Variants in DCAF6 observed in about 807,000 individuals in gnomAD.
DCAF6 encodes the protein DDB1 and CUL4 associated factor 6.
In DCAF6, 54 loss-of-function variants were observed where a neutral mutation model predicts 125.1. That is an observed-to-expected ratio of 0.43 (90% CI 0.35 to 0.54). DCAF6 has a LOEUF of 0.54. Among genes scored for constraint, DCAF6 ranks in the 20% least tolerant of loss-of-function variants. The pLI is 0.01. For synonymous variants in DCAF6, 371 were observed against 390.4 expected, an observed-to-expected ratio of 0.95 and a Z score of 0.58; for missense variants, 934 against 1,161.7, an observed-to-expected ratio of 0.80 and a Z score of 2.85.
intron 19 of DCAF6, 118 bp from the exon 20 acceptor site, chr1:168,066,259 A>C: frequency 1.9e-6 from 1 of 524,658 alleles, no homozygotes; most frequent in African/African-American, 2.0e-5. Flanking sequence ...AGTTAAATAT[A>C]TAGTGTACAA....
At chr1:167,979,421 T>C (rs1259027144) in intron 4 of DCAF6, among the ~76,000 whole-genome samples, 3 of 152,204 alleles carry the variant, frequency 2.0e-5, no homozygotes, top group Non-Finnish European at 4.4e-5. Context: ...ACTTTCTGTT[T>C]CTAAGAATTT....
chr1:167,901,000 C>CT, the DCAF6 span, among the ~76,000 whole-genome samples: 1 of 152,192 alleles, frequency 6.6e-6, no homozygotes, highest in Admixed American at 6.5e-5. Flanking sequence ...AACCATAACT[C>CT]TGTTACTCAT....
chr1:167,901,590 G>T, the DCAF6 span: 3 of 1,452,608 alleles, frequency 2.1e-6, no homozygotes, highest in Non-Finnish European at 2.9e-6. Context: ...TTCTCTTTGG[G>T]AGAGAGAGAT....
chr1:168,026,933 G>A (rs1200790707), intron 12 of DCAF6, among the ~76,000 whole-genome samples: 1 of 152,064 alleles, frequency 6.6e-6, no homozygotes, highest in Non-Finnish European at 1.5e-5. Flanking sequence ...CACTACAGGA[G>A]CAAGTAGAGA....
At position 168,009,389 on chromosome 1, in the gene DCAF6, T is replaced by C. The variant is rs797006848; in HGVS notation, c.1378+4596T>C. On this transcript the variant is annotated intron_variant, in intron 10 of 21. Coordinates refer to ENST00000367840, the MANE Select transcript of DCAF6 (RefSeq NM_001198956.2). ...TTCCTTCCTTCCTTCCTTCCTTCCT[T>C]TCTTTCTTTCTTTCTCTCTCTCTCT... Among the ~76,000 whole-genome samples, 270 of 133,270 alleles carry C rather than the reference T, an allele frequency of 2.0e-3. 2 individuals carry two copies. Among genetic ancestry groups the C allele is most frequent in the African/African-American group, 7.9e-3 (258 of 32,858 alleles). The allele number at this position is 133,270 out of a possible 152,430, so 87.4% of individuals were successfully genotyped here.
At chr1:167,913,242 T>C in the DCAF6 span, among the ~76,000 whole-genome samples, 26 of 152,146 alleles carry the variant, frequency 1.7e-4, no homozygotes, top group Non-Finnish European at 3.5e-4. Context: ...GATTCCTGAA[T>C]GCGGAGTGTG....
intron 19 of DCAF6, 148 bp downstream of exon 19, chr1:168,065,894 C>A (rs2101977621): frequency 1.6e-6 from 1 of 641,936 alleles, no homozygotes; most frequent in Non-Finnish European, 2.4e-6. Flanking sequence ...GCTGAACTTG[C>A]ACTTCAAACA....
intron 2 of DCAF6, among the ~76,000 whole-genome samples, chr1:167,958,335 GT>G (rs1044641437): frequency 7.5e-6 from 1 of 133,626 alleles, no homozygotes; most frequent in Non-Finnish European, 1.6e-5. Flanking sequence ...GGTCCAAGGT[GT>G]TTTTTTTTGT....
intron 20 of DCAF6, among the ~76,000 whole-genome samples, chr1:168,067,943 A>G (rs1314130735): frequency 6.6e-6 from 1 of 152,224 alleles, no homozygotes; most frequent in Non-Finnish European, 1.5e-5. Context: ...AGTCAAGGTA[A>G]CATCTTTTCA....
At chr1:168,009,345 C>CCCTTCCTTCCTTCCTTCCTCCCTT (rs1683858912) in intron 10 of DCAF6, among the ~76,000 whole-genome samples, 6 of 127,946 alleles carry the variant, frequency 4.7e-5, no homozygotes, top group Non-Finnish European at 9.8e-5. Flanking sequence ...CTTCCTTCCT[C>CCCTTCCTTCCTTCCTTCCTCCCTT]CCTTCCTTCC....
chr1:167,891,980 T>TC, the DCAF6 span, among the ~76,000 whole-genome samples: 45 of 151,446 alleles, frequency 3.0e-4, no homozygotes, highest in African/African-American at 1.0e-3. Flanking sequence ...TCTTTTCTTT[T>TC]TTTTTTTTTT....
At chr1:167,901,935 T>G in the DCAF6 span, 6 of 1,605,190 alleles carry the variant, frequency 3.7e-6, no homozygotes, top group Non-Finnish European at 5.1e-6. Context: ...TTCTCTAGGA[T>G]GCCTCCTTTG....
At chr1:167,997,060 C>G (rs1398532047) in intron 7 of DCAF6, among the ~76,000 whole-genome samples, 4 of 151,914 alleles carry the variant, frequency 2.6e-5, no homozygotes, top group African/African-American at 9.7e-5. Context: ...TGTGTTTTGT[C>G]CATTGTTGTT....
the DCAF6 span, among the ~76,000 whole-genome samples, chr1:167,921,237 T>A: frequency 6.6e-6 from 1 of 152,090 alleles, no homozygotes; most frequent in Non-Finnish European, 1.5e-5. Flanking sequence ...ATCATTTTTT[T>A]TTTTTTAGAC....
chr1:167,987,017 C>T (rs1680109919), intron 4 of DCAF6, among the ~76,000 whole-genome samples: 2 of 152,028 alleles, frequency 1.3e-5, no homozygotes, highest in South Asian at 4.1e-4. Context: ...GTTGTATAAC[C>T]ATTACCACAA....
chr1:168,055,346 T>G (rs867358645), intron 17 of DCAF6, among the ~76,000 whole-genome samples: 7 of 60,242 alleles, frequency 1.2e-4, no homozygotes, highest in South Asian at 9.3e-4. Context: ...TTTTTTTTTT[T>G]TTTTTTTTTT....
chr1:167,899,793 G>A, the DCAF6 span, among the ~76,000 whole-genome samples: 6 of 152,068 alleles, frequency 3.9e-5, no homozygotes, highest in Non-Finnish European at 7.3e-5. Context: ...TTTTGGGCTC[G>A]GGCCTTCCAA....
At chr1:167,894,023 A>C in the DCAF6 span, 51 of 952,874 alleles carry the variant, frequency 5.4e-5, no homozygotes, top group African/African-American at 7.1e-4. Context: ...CCCAGTCCCT[A>C]TTCTCTTGGG....
chr1:167,948,259 A>G (rs1028224821), intron 1 of DCAF6, among the ~76,000 whole-genome samples: 11 of 150,848 alleles, frequency 7.3e-5, no homozygotes, highest in African/African-American at 2.7e-4. Flanking sequence ...TTTACACTGT[A>G]TTTGTCTGGT....
Sources: allele counts gnomAD v4.1 joint callset (sites outside exome capture counted in the v4.1 genomes callset), GRCh38; gene constraint gnomAD v4.1.1; transcripts MANE v1.5; gene names NCBI Gene and HGNC (gene_info 2026-07-23, HGNC 2026-07-21).